The following SNX9 variants were observed in gnomAD, a reference collection of about 807,000 sequenced individuals.
SNX9 encodes sorting nexin-9.
A neutral mutation model predicts 89.4 loss-of-function variants in SNX9; 44 were observed. That is an observed-to-expected ratio of 0.49 (90% CI 0.39 to 0.63). The LOEUF (loss-of-function observed/expected upper bound fraction) is 0.63. Ranked by LOEUF, SNX9 falls within the 30% of genes least tolerant of loss-of-function variation. The probability of loss-of-function intolerance (pLI) is 0.00; values close to 1 mark genes in which losing one functional copy is unlikely to be tolerated. For missense variants in SNX9, 578 were observed against 736.1 expected (o/e 0.79, Z 2.49); for synonymous variants, 236 against 247.8 (o/e 0.95, Z 0.45).
intron 1 of SNX9, among the ~76,000 whole-genome samples, chr6:157,846,044 G>A (rs1296696390): frequency 6.6e-6 from 1 of 152,182 alleles, no homozygotes; most frequent in Admixed American, 6.5e-5. Flanking sequence ...GGTGAGAGGC[G>A]CCCGTCCTGC....
At chr6:157,927,391 T>C (rs1783716596) in intron 11 of SNX9, among the ~76,000 whole-genome samples, 177 bp downstream of exon 11, 1 of 152,188 alleles carries the variant, frequency 6.6e-6, no homozygotes, top group Non-Finnish European at 1.5e-5. Context: ...AGTACTGTCT[T>C]TCTAACCGCA....
At chr6:157,853,050 T>C (rs1017004638) in intron 1 of SNX9, among the ~76,000 whole-genome samples, 1 of 152,146 alleles carries the variant, frequency 6.6e-6, no homozygotes, top group East Asian at 1.9e-4. Context: ...TTCCTGGTGC[T>C]CTTCCTTCTT....
In SNX9 at chr6:157,930,469, G is replaced by A. The variant is rs182024144; in HGVS notation, c.1289-1726G>A. ...TAAAGCAGAGGCCCCCAATCCCCAG[G>A]CCATGGACTGGTACATGGACCATTA... On this transcript the variant is annotated intron_variant, in intron 12 of 17. Coordinates refer to ENST00000392185, the MANE Select transcript of SNX9 (RefSeq NM_016224.5). Among the ~76,000 whole-genome samples, 11 of 152,262 alleles carry A rather than the reference G, an allele frequency of 7.2e-5. No individual in the cohort carries two copies. The East Asian group carries it at 2.1e-3, about 29-fold the overall frequency.
rs892428602 is a variant in SNX9, at chr6:157,834,165, T to G, written c.12+10719T>G. Among the ~76,000 whole-genome samples the G allele has an allele frequency of 1.0e-3, 116 of 113,176 alleles. 2 individuals carry two copies. The highest frequency in any genetic ancestry group is 3.9e-3 in the African/African-American group (109 of 28,132). The allele number at this position is 113,176 out of a possible 152,430, so 74.2% of individuals were successfully genotyped here. A position where few individuals can be genotyped will look rare whatever the true frequency, so the allele number is the denominator to read the frequency against. ...GTCCACTGTGGTTTTTTTTTTTTTTTTTTTTTTTTTTTTTTTTTTTGAGTC... is the reference window on the plus strand; with the variant it reads ...GTCCACTGTGGTTTTTTTTTTTTTTGTTTTTTTTTTTTTTTTTTTTGAGTC... On this transcript the variant is annotated intron_variant, in intron 1 of 17. Transcript: ENST00000392185.
intron 4 of SNX9, among the ~76,000 whole-genome samples, chr6:157,896,401 A>C: frequency 6.6e-6 from 1 of 152,266 alleles, no homozygotes; most frequent in East Asian, 1.9e-4. Flanking sequence ...AGATACATAC[A>C]GTATGACATC....
At chr6:157,837,505 T>G (rs1242835416) in intron 1 of SNX9, among the ~76,000 whole-genome samples, 1 of 152,226 alleles carries the variant, frequency 6.6e-6, no homozygotes. Context: ...AATCCAGTTT[T>G]TAATGTTATT....
chr6:157,910,058 A>G, intron 9 of SNX9, 33 bp downstream of exon 9: 1 of 1,507,880 alleles, frequency 6.6e-7, no homozygotes, highest in East Asian at 2.3e-5. Context: ...CCAGGATGAC[A>G]AATAGAAAGA....
At chr6:157,862,578 T>C (rs1208875010) in intron 1 of SNX9, among the ~76,000 whole-genome samples, 1 of 152,246 alleles carries the variant, frequency 6.6e-6, no homozygotes, top group African/African-American at 2.4e-5. Flanking sequence ...TTCCCTAAGA[T>C]GTAATTGTGA....
intron 5 of SNX9, among the ~76,000 whole-genome samples, chr6:157,898,525 G>A (rs1271350208): frequency 1.3e-5 from 2 of 152,164 alleles, no homozygotes; most frequent in African/African-American, 4.8e-5. Flanking sequence ...AGCCAGAAAC[G>A]TGTATGTGGA....
At chr6:157,869,698 C>T (rs1013953541) in intron 2 of SNX9, among the ~76,000 whole-genome samples, 2 of 152,152 alleles carry the variant, frequency 1.3e-5, no homozygotes, top group African/African-American at 4.8e-5. Context: ...GGTCATTCCT[C>T]GCTGGCAGCA....
intron 11 of SNX9, among the ~76,000 whole-genome samples, chr6:157,927,902 G>A (rs1209654049): frequency 2.7e-5 from 4 of 150,600 alleles, no homozygotes; most frequent in South Asian, 4.2e-4. Context: ...AAATTATTGC[G>A]TATGTGTTAC....
intron 1 of SNX9, among the ~76,000 whole-genome samples, chr6:157,826,993 ATATATACAT>A (rs1781376149): frequency 6.8e-5 from 3 of 43,884 alleles, no homozygotes; most frequent in Admixed American, 3.4e-4. Flanking sequence ...AGTTTATATA[ATATATACAT>A]ATATATTATA....
At chr6:157,921,188 G>T (rs1018148186) in intron 9 of SNX9, among the ~76,000 whole-genome samples, 4 of 152,166 alleles carry the variant, frequency 2.6e-5, no homozygotes, top group African/African-American at 9.7e-5. Flanking sequence ...AAAGAGACAG[G>T]TTTTCATGTT....
chr6:157,862,815 A>G (rs1256181894), intron 1 of SNX9, among the ~76,000 whole-genome samples: 1 of 151,968 alleles, frequency 6.6e-6, no homozygotes, highest in Non-Finnish European at 1.5e-5. Flanking sequence ...GTGTTTTTTT[A>G]AATTAGAATG....
intron 1 of SNX9, among the ~76,000 whole-genome samples, chr6:157,858,225 G>A (rs777101375): frequency 7.3e-5 from 11 of 151,518 alleles, no homozygotes; most frequent in African/African-American, 2.4e-4. Flanking sequence ...GAACTCGTCC[G>A]GAGTCTTTTT....
At chr6:157,924,221 A>G (rs542137753) in intron 10 of SNX9, among the ~76,000 whole-genome samples, 37 of 152,048 alleles carry the variant, frequency 2.4e-4, no homozygotes, top group African/African-American at 8.4e-4. Context: ...ATATATATGT[A>G]TGTATTATAT....
intron 9 of SNX9, among the ~76,000 whole-genome samples, chr6:157,916,984 C>A (rs1783485875): frequency 6.6e-6 from 1 of 152,184 alleles, no homozygotes; most frequent in African/African-American, 2.4e-5. Flanking sequence ...AGAATTGATA[C>A]TGTTCTATAA....
intron 1 of SNX9, chr6:157,829,533 T>G (rs1781443243): frequency 6.6e-6 from 1 of 152,226 alleles, no homozygotes; most frequent in Non-Finnish European, 1.5e-5. Flanking sequence ...TTTATATGTA[T>G]ATCCTTACTA....
At chr6:157,915,119 T>G (rs193029354) in intron 9 of SNX9, among the ~76,000 whole-genome samples, 176 of 152,334 alleles carry the variant, frequency 1.2e-3, no homozygotes, top group African/African-American at 4.1e-3. Flanking sequence ...TTTGTTGGTT[T>G]ATTTCTGGAT....
Sources: gnomAD v4.1 joint callset for allele counts (sites outside exome capture counted in the v4.1 genomes callset) on GRCh38, gnomAD v4.1.1 for gene constraint, MANE v1.5 for transcripts, NCBI Gene and HGNC (gene_info 2026-07-23, HGNC 2026-07-21) for gene names.